TBC1D22A: variants seen among roughly 807,000 people sequenced by gnomAD.
The protein encoded by TBC1D22A is TBC1 domain family member 22A.
A neutral mutation model predicts 60.2 loss-of-function variants in TBC1D22A; 38 were observed. The observed-to-expected ratio is 0.63, with a 90% CI of 0.49 to 0.83. The LOEUF is 0.83. Ranked by LOEUF, TBC1D22A falls within the 40% of genes least tolerant of loss-of-function variation. The pLI is 0.00. For missense variants in TBC1D22A, 628 were observed against 701.0 expected, an observed-to-expected ratio of 0.90 and a Z score of 1.18; for synonymous variants, 302 against 281.7, an observed-to-expected ratio of 1.07 and a Z score of -0.72.
intron 10 of TBC1D22A, among the ~76,000 whole-genome samples, chr22:47,024,475 C>T (rs2062189023): frequency 6.6e-6 from 1 of 152,104 alleles, no homozygotes; most frequent in Non-Finnish European, 1.5e-5. Context: ...CTCGAGGGTT[C>T]TTTGGGCTGA....
rs1198329425 is a variant in TBC1D22A at position 47,126,409 on chromosome 22, C to T, written c.1425+14806C>T. ...ACAGCATTGGAGGTGGCCCACGCTTCCCTCTTGTAACTGGGTGGAGGCCAG... is the reference window on the plus strand; with the variant it reads ...ACAGCATTGGAGGTGGCCCACGCTTTCCTCTTGTAACTGGGTGGAGGCCAG... On this transcript the variant is annotated intron_variant, in intron 12 of 12. Transcript: ENST00000337137. 2.0e-5 allele frequency among the ~76,000 whole-genome samples: 3 copies of T among 152,242 alleles called. No homozygotes were observed. In the East Asian group the frequency reaches 5.8e-4, roughly 29 times the overall value.
chr22:46,980,891 G>GA (rs1438540573), intron 9 of TBC1D22A, among the ~76,000 whole-genome samples: 1 of 152,148 alleles, frequency 6.6e-6, no homozygotes, highest in Non-Finnish European at 1.5e-5. Flanking sequence ...AGAAAGGCCA[G>GA]AAAAAAGTAG....
At position 47,028,358 on chromosome 22, in the gene TBC1D22A, G is replaced by GAATGAA. The variant is rs1264919488; in HGVS notation, c.1202-8713_1202-8712insAATGAA. ...TCGGTCCCTGTCCCCCACGGCCCAG[G>GAATGAA]TTCTGAGAGTGAGTGGTCGCATTCC... is the stretch of plus-strand genomic sequence containing the variant. On this transcript the variant is annotated intron_variant, in intron 10 of 12. Coordinates refer to ENST00000337137, the MANE Select transcript of TBC1D22A (RefSeq NM_014346.5). This position sits in a 1 kb window ranked among gnomAD's most constrained non-coding sequence, Gnocchi z 4.4. Among the ~76,000 whole-genome samples, 1 of 151,140 alleles carries GAATGAA rather than the reference G, an allele frequency of 6.6e-6. No homozygotes were observed.
Position 46,904,162 on chromosome 22 carries a change from C to T in TBC1D22A, c.901-7912C>T, listed in dbSNP as rs1214430247. On this transcript the variant is annotated intron_variant, in intron 7 of 12. Coordinates refer to ENST00000337137, the MANE Select transcript of TBC1D22A (RefSeq NM_014346.5). Reference sequence around the variant, plus strand: ...ATCTATCTACCTACCTACCTACCTACCTACCTACCTACCAGTCTGAGAGCA... The same window carrying T: ...ATCTATCTACCTACCTACCTACCTATCTACCTACCTACCAGTCTGAGAGCA... Among the ~76,000 whole-genome samples, 507 of 147,978 alleles carry T rather than the reference C, an allele frequency of 3.4e-3. 4 individuals carry two copies. The highest frequency in any genetic ancestry group is 0.012 in the African/African-American group (485 of 39,058).
intron 5 of TBC1D22A, among the ~76,000 whole-genome samples, chr22:46,890,687 G>T (rs1276406009): frequency 6.6e-6 from 1 of 152,194 alleles, no homozygotes; most frequent in Admixed American, 6.5e-5. Flanking sequence ...ACCTCCTTGT[G>T]CTGCCTGGCC....
At chr22:47,123,385 G>A (rs553650056) in intron 12 of TBC1D22A, among the ~76,000 whole-genome samples, 7 of 152,342 alleles carry the variant, frequency 4.6e-5, no homozygotes, top group African/African-American at 1.7e-4. Context: ...GCTGTTTCCC[G>A]GCTGGCAGGA....
chr22:46,999,339 A>C (rs2075231131), intron 10 of TBC1D22A, among the ~76,000 whole-genome samples: 1 of 152,192 alleles, frequency 6.6e-6, no homozygotes, highest in South Asian at 2.1e-4. Flanking sequence ...GGCCATTTTC[A>C]TATGGCAATT....
chr22:47,088,638 G>A (rs2064796552), intron 11 of TBC1D22A, among the ~76,000 whole-genome samples: 1 of 152,018 alleles, frequency 6.6e-6, no homozygotes, highest in African/African-American at 2.4e-5. Context: ...TGGAAGAACT[G>A]TGGCTGTAAA....
chr22:46,874,527 C>T (rs573223715), intron 4 of TBC1D22A, among the ~76,000 whole-genome samples: 3 of 118,958 alleles, frequency 2.5e-5, no homozygotes, highest in Non-Finnish European at 3.6e-5. Context: ...TGATGTTGAG[C>T]TTTTTTTCAT....
intron 12 of TBC1D22A, among the ~76,000 whole-genome samples, chr22:47,135,008 C>T (rs549724524): frequency 1.3e-5 from 2 of 152,376 alleles, no homozygotes; most frequent in South Asian, 4.1e-4. Context: ...CTCCCTCAGG[C>T]CTCAGCCAGC....
rs550423220 is a variant in TBC1D22A at position 46,920,103 on chromosome 22, C to CA, written c.1015+7916dup. Among the ~76,000 whole-genome samples the CA allele has an allele frequency of 5.9e-5, 7 of 119,032 alleles. No homozygotes were observed. In the South Asian group the frequency reaches 1.8e-3, roughly 31 times the overall value. The allele number at this position is 119,032 out of a possible 152,430, so 78.1% of individuals were successfully genotyped here. ...TGTATGTATGAATGAAGGAGAGAGA[C>CA]AGAGTGTTGCTCTATTGCCTAGGCT... On this transcript the variant is annotated intron_variant, in intron 8 of 12. Coordinates refer to ENST00000337137, the MANE Select transcript of TBC1D22A (RefSeq NM_014346.5).
chr22:46,988,947 T>C (rs1478552615), intron 9 of TBC1D22A, among the ~76,000 whole-genome samples: 2 of 152,238 alleles, frequency 1.3e-5, no homozygotes, highest in African/African-American at 4.8e-5. Context: ...AAATCTGTTG[T>C]TTAGAGTAGC....
At chr22:47,086,543 T>TA (rs2064696269) in intron 11 of TBC1D22A, among the ~76,000 whole-genome samples, 1 of 152,230 alleles carries the variant, frequency 6.6e-6, no homozygotes, top group African/African-American at 2.4e-5. Flanking sequence ...TGTTGTTTCT[T>TA]ACAACTACAT....
chr22:46,834,358 G>A (rs2086431851), intron 4 of TBC1D22A, among the ~76,000 whole-genome samples: 1 of 152,172 alleles, frequency 6.6e-6, no homozygotes, highest in Non-Finnish European at 1.5e-5. Flanking sequence ...CAAGTGCAGA[G>A]GTCTTAGCAG....
intron 7 of TBC1D22A, among the ~76,000 whole-genome samples, chr22:46,905,816 T>C (rs2069422249): frequency 6.6e-6 from 1 of 152,214 alleles, no homozygotes; most frequent in African/African-American, 2.4e-5. Flanking sequence ...TCTCCATCCT[T>C]CTGGGGGCAT....
At chr22:47,147,498 C>G (rs900938261) in intron 12 of TBC1D22A, among the ~76,000 whole-genome samples, 1 of 152,204 alleles carries the variant, frequency 6.6e-6, no homozygotes, top group Non-Finnish European at 1.5e-5. Flanking sequence ...AACACACACA[C>G]GTTCTGCACC....
intron 8 of TBC1D22A, among the ~76,000 whole-genome samples, chr22:46,955,127 T>C (rs192356762): frequency 6.6e-6 from 1 of 152,322 alleles, no homozygotes; most frequent in East Asian, 1.9e-4. Context: ...GGGGTCATTA[T>C]GTGGTGGTAA....
At chr22:46,857,870 CCA>C (rs1165076340) in intron 4 of TBC1D22A, among the ~76,000 whole-genome samples, 1 of 152,186 alleles carries the variant, frequency 6.6e-6, no homozygotes, top group Non-Finnish European at 1.5e-5. Context: ...TTTTATTCAT[CCA>C]CTCTTAGTGA....
intron 5 of TBC1D22A, among the ~76,000 whole-genome samples, chr22:46,884,567 C>T (rs1322415978): frequency 1.3e-5 from 2 of 152,164 alleles, no homozygotes; most frequent in East Asian, 1.9e-4. Context: ...CAGCGGCCAG[C>T]GGCTGTCCTC....
Sources: allele counts gnomAD v4.1 joint callset (sites outside exome capture counted in the v4.1 genomes callset), GRCh38; gene constraint gnomAD v4.1.1; non-coding constraint Gnocchi (gnomAD v3.1); transcripts MANE v1.5; gene names NCBI Gene and HGNC (gene_info 2026-07-23, HGNC 2026-07-21).